Variants in BTD observed in about 807,000 individuals in gnomAD.
BTD encodes biotinidase.
In BTD, 13 loss-of-function variants were observed where a neutral mutation model predicts 17.7. That is an observed-to-expected ratio of 0.74 (90% CI 0.48 to 1.17). The LOEUF is 1.17. Ranked by LOEUF, BTD falls within the 50% of genes most tolerant of loss-of-function variation. BTD has a pLI of 0.00. For missense variants in BTD, 674 were observed against 650.4 expected (o/e 1.04, Z -0.39); for synonymous variants, 240 against 245.2 (o/e 0.98, Z 0.20).
intron 1 of BTD, among the ~76,000 whole-genome samples, chr3:15,606,042 CAAAAAAA>C (rs11369757): frequency 1.5e-5 from 1 of 64,954 alleles, no homozygotes; most frequent in Non-Finnish European, 2.9e-5. Context: ...GACCCTGTCT[CAAAAAAA>C]AAAAAAAAAA....
chr3:15,670,816 C>T (rs1258922655), intron 3 of BTD, among the ~76,000 whole-genome samples: 11 of 152,204 alleles, frequency 7.2e-5, no homozygotes, highest in Admixed American at 7.2e-4. Context: ...CAAGGTCTCA[C>T]AACTTATCCG....
intron 3 of BTD, among the ~76,000 whole-genome samples, chr3:15,694,285 G>A (rs1056099150): frequency 6.6e-6 from 1 of 152,198 alleles, no homozygotes; most frequent in East Asian, 1.9e-4. Flanking sequence ...TATAGTGTGA[G>A]CAACTAAAGG....
At chr3:15,677,394 A>T in intron 3 of BTD, 4 of 945,630 alleles carry the variant, frequency 4.2e-6, no homozygotes, top group Non-Finnish European at 5.0e-6. Flanking sequence ...TTTGGTCCTG[A>T]GTTGTTCATT....
intron 1 of BTD, among the ~76,000 whole-genome samples, chr3:15,620,981 G>T (rs1354627991): frequency 2.0e-5 from 3 of 152,276 alleles, no homozygotes; most frequent in African/African-American, 7.2e-5. Context: ...AACCCAGGGG[G>T]CTGCTGGTGC....
Position 15,649,913 on chromosome 3 carries a change from A to T in BTD, c.*4425A>T, listed in dbSNP as rs541139283. Reference sequence around the variant, plus strand: ...TGGATGCACATAAATGGTCTCCCTTAACTGCCATGAGCCCTAAAGAAGGTT... The same window carrying T: ...TGGATGCACATAAATGGTCTCCCTTTACTGCCATGAGCCCTAAAGAAGGTT... On this transcript the variant is annotated 3_prime_UTR_variant, in exon 4 of 4. Transcript: ENST00000643237. Among the ~76,000 whole-genome samples, 89 of 152,346 alleles carry T rather than the reference A, an allele frequency of 5.8e-4. No homozygotes were observed. Among genetic ancestry groups the T allele is most frequent in the African/African-American group, 2.1e-3 (87 of 41,580 alleles).
rs576380300 is a variant in BTD at position 15,719,756 on chromosome 3, T to C, written c.1016-2014T>C. ...TTTGGTAGAGATAGAGGTCTTGCTA[T>C]GTTGCCCAGGCTGGTCTTGAACTCC... On this transcript the variant is annotated intron_variant, in intron 4 of 4. Transcript: ENST00000672427. Among the ~76,000 whole-genome samples, 4 of 152,262 alleles carry C rather than the reference T, an allele frequency of 2.6e-5. No individual in the cohort carries two copies. In the South Asian group the frequency reaches 6.2e-4, roughly 24 times the overall value.
At chr3:15,666,108 T>G (rs1247029646) in intron 3 of BTD, among the ~76,000 whole-genome samples, 2 of 152,232 alleles carry the variant, frequency 1.3e-5, no homozygotes, top group Non-Finnish European at 2.9e-5. Flanking sequence ...TACTGCTGTA[T>G]GCCAAGAGCC....
intron 3 of BTD, chr3:15,696,379 A>G: frequency 3.7e-6 from 2 of 547,742 alleles, no homozygotes; most frequent in Non-Finnish European, 6.3e-6. Flanking sequence ...GTATTACACT[A>G]TAAAAATGTC....
chr3:15,706,178 T>C (rs1044979871), intron 3 of BTD, among the ~76,000 whole-genome samples: 2 of 152,032 alleles, frequency 1.3e-5, no homozygotes, highest in African/African-American at 4.8e-5. Flanking sequence ...GCCACGTTGG[T>C]GTGCTGCACC....
intron 1 of BTD, chr3:15,602,097 G>T: frequency 7.0e-7 from 1 of 1,435,974 alleles, no homozygotes; most frequent in East Asian, 2.5e-5. Context: ...TTACTTACAC[G>T]CTTTGTGGTT....
Position 15,642,041 on chromosome 3 carries a change from G to C in BTD, c.383G>C (p.Arg128Pro). ...TGGAACCCATGCCTGGAGCCTCACC[G>C]CTTCAATGACACAGAGGTGATTCCT... ...VRWNPCLEPH[R>P]FNDTEVLQRL... The change falls in exon 3 of 4, where the codon CGC becomes CCC. Residue 128 changes from arginine (R) to proline (P), a missense_variant. Physicochemically the swap from Arg to Pro is moderately radical, Grantham distance 103 (BLOSUM62 -2). Transcript: ENST00000643237. 1 of 1,614,122 alleles carries C rather than the reference G, an allele frequency of 6.2e-7. No homozygotes were observed. Among genetic ancestry groups the C allele is most frequent in the East Asian group, 2.2e-5 (1 of 44,878 alleles).
chr3:15,685,162 AAT>A, intron 3 of BTD: 2 of 1,564,896 alleles, frequency 1.3e-6, no homozygotes, highest in Non-Finnish European at 1.8e-6. Flanking sequence ...TTGCCTTATA[AAT>A]ATGTCATTCT....
At chr3:15,674,196 A>AAAAAAAAAAAAAAAAAAC (rs1470515364) in intron 3 of BTD, among the ~76,000 whole-genome samples, 1 of 130,082 alleles carries the variant, frequency 7.7e-6, no homozygotes. Context: ...AAAAAAAAAA[A>AAAAAAAAAAAAAAAAAAC]AAGAAGAAGA....
intron 3 of BTD, among the ~76,000 whole-genome samples, chr3:15,689,342 G>A (rs2068512589): frequency 6.6e-6 from 1 of 152,192 alleles, no homozygotes; most frequent in African/African-American, 2.4e-5. Flanking sequence ...CTGGAGAAAT[G>A]CCTTCAAAGA....
intron 3 of BTD, chr3:15,679,423 G>A: frequency 6.2e-7 from 1 of 1,612,170 alleles, no homozygotes; most frequent in Non-Finnish European, 8.5e-7. Context: ...CACAGCAATG[G>A]TGTATTTCTT....
intron 3 of BTD, chr3:15,685,294 G>C: frequency 1.9e-6 from 3 of 1,613,996 alleles, no homozygotes; most frequent in Non-Finnish European, 2.5e-6. Context: ...TGCATCCATA[G>C]ATGCTGCTGA....
chr3:15,602,191 A>G, intron 1 of BTD: 1 of 1,389,674 alleles, frequency 7.2e-7, no homozygotes, highest in Non-Finnish European at 9.3e-7. Flanking sequence ...TGTGTACCCC[A>G]GCAAGAGATA....
At chr3:15,666,276 A>G (rs1384291762) in intron 3 of BTD, among the ~76,000 whole-genome samples, 1 of 152,218 alleles carries the variant, frequency 6.6e-6, no homozygotes, top group Non-Finnish European at 1.5e-5. Flanking sequence ...CAATTTCAAC[A>G]AAGACCAGAT....
chr3:15,663,606 G>C (rs1188039596), intron 3 of BTD, among the ~76,000 whole-genome samples: 1 of 152,168 alleles, frequency 6.6e-6, no homozygotes, highest in African/African-American at 2.4e-5. Flanking sequence ...TTGGCATGAA[G>C]TTGTTCATGA....
Sources: gnomAD v4.1 joint callset for allele counts (sites outside exome capture counted in the v4.1 genomes callset) on GRCh38, gnomAD v4.1.1 for gene constraint, MANE v1.5 for transcripts, NCBI Gene and HGNC (gene_info 2026-07-23, HGNC 2026-07-21) for gene names.